The following MYOM1 variants were observed in gnomAD, a reference collection of about 807,000 sequenced individuals.
MYOM1 encodes the protein myomesin 1, also known as myomesin-1.
MYOM1 carries 164 observed loss-of-function variants against 205.3 expected under a neutral mutation model. That is an observed-to-expected ratio of 0.80 (90% CI 0.70 to 0.91). The LOEUF is 0.91. Ranked by LOEUF, MYOM1 falls within the 40% of genes least tolerant of loss-of-function variation. The pLI, the probability that MYOM1 is intolerant of heterozygous loss-of-function variation, is 0.00. For synonymous variants in MYOM1, 772 were observed against 789.4 expected (o/e 0.98, Z 0.37); for missense variants, 2,011 against 2,127.3 (o/e 0.95, Z 1.08).
chr18:3,233,885 T>C, the MYOM1 span, among the ~76,000 whole-genome samples: 1 of 152,222 alleles, frequency 6.6e-6, no homozygotes, highest in Non-Finnish European at 1.5e-5. Context: ...TTCAAGTAAA[T>C]ATTCCCACTC....
At chr18:3,072,331 C>T (rs941173453) in intron 36 of MYOM1, among the ~76,000 whole-genome samples, 4 of 137,908 alleles carry the variant, frequency 2.9e-5, no homozygotes, top group Admixed American at 7.5e-5. Flanking sequence ...TTACAGCAGG[C>T]GTGAGCCACC....
chr18:3,148,539 GTTCA>G (rs2080162971), intron 13 of MYOM1, among the ~76,000 whole-genome samples: 2 of 152,014 alleles, frequency 1.3e-5, no homozygotes, highest in Non-Finnish European at 2.9e-5. Flanking sequence ...TGACAAATAC[GTTCA>G]TTATTTTGAA....
chr18:3,198,790 G>GAA (rs796981410), intron 2 of MYOM1, among the ~76,000 whole-genome samples: 2,003 of 95,674 alleles, frequency 0.021, 44 homozygotes, highest in South Asian at 0.072. Flanking sequence ...CTCAAAAAAA[G>GAA]AAAAAAAAAA....
At chr18:3,079,984 A>G (rs1354964768) in intron 33 of MYOM1, among the ~76,000 whole-genome samples, 1 of 152,202 alleles carries the variant, frequency 6.6e-6, no homozygotes, top group East Asian at 1.9e-4. Context: ...TATTCTCTGC[A>G]AGAGAATATT....
At chr18:3,214,737 C>G (rs1276687180) in intron 2 of MYOM1, among the ~76,000 whole-genome samples, 197 bp downstream of exon 2, 2 of 152,100 alleles carry the variant, frequency 1.3e-5, no homozygotes, top group Non-Finnish European at 2.9e-5. Context: ...GCAGGAGAAT[C>G]GATTGAACCC....
intron 21 of MYOM1, among the ~76,000 whole-genome samples, chr18:3,113,905 T>C (rs535601123): frequency 1.3e-5 from 2 of 152,230 alleles, no homozygotes; most frequent in South Asian, 4.1e-4. Flanking sequence ...GAGGTACGTA[T>C]TAAATTGTTA....
intron 23 of MYOM1, among the ~76,000 whole-genome samples, chr18:3,101,965 T>C (rs1356680087): frequency 2.0e-5 from 3 of 147,912 alleles, no homozygotes; most frequent in Admixed American, 6.8e-5. Context: ...GGATTTCAGG[T>C]GTGAGCCAAT....
intron 37 of MYOM1, among the ~76,000 whole-genome samples, chr18:3,069,819 T>C (rs1276413811): frequency 6.6e-6 from 1 of 152,218 alleles, no homozygotes; most frequent in Non-Finnish European, 1.5e-5. Flanking sequence ...AGTACTTTCA[T>C]ATACATTCTC....
In MYOM1 at chr18:3,118,648, T is replaced by C. The variant is rs74253181; in HGVS notation, c.3118+1221A>G. 4.3e-3 allele frequency among the ~76,000 whole-genome samples: 662 copies of C among 152,246 alleles called. 32 individuals are homozygous for C. The East Asian group carries it at 0.11, about 24-fold the overall frequency. On this transcript the variant is annotated intron_variant, in intron 20 of 37. Coordinates refer to ENST00000356443, the MANE Select transcript of MYOM1 (RefSeq NM_003803.4). The stretch of plus-strand genomic sequence containing the variant: ...CGCACCCAGCCAACGACATCACTTT[T>C]GATCAAAAAAAATTTCTACAGGCCT...
At chr18:3,187,902 C>T (rs1337985299) in intron 4 of MYOM1, among the ~76,000 whole-genome samples, 1 of 143,768 alleles carries the variant, frequency 7.0e-6, no homozygotes, top group Non-Finnish European at 1.5e-5. Flanking sequence ...TGCACTGGTG[C>T]AACCTGCATC....
At chr18:3,205,591 A>C (rs1465477815) in intron 2 of MYOM1, among the ~76,000 whole-genome samples, 1 of 152,216 alleles carries the variant, frequency 6.6e-6, no homozygotes, top group African/African-American at 2.4e-5. Flanking sequence ...GATGTGGATA[A>C]ACTAGAATCC....
chr18:3,179,590 C>T lies in MYOM1; in HGVS notation c.930-3456G>A, dbSNP rs1263407734. Among the ~76,000 whole-genome samples, 1 of 152,150 alleles carries T rather than the reference C, an allele frequency of 6.6e-6. No individual in the cohort carries two copies. Among genetic ancestry groups the T allele is most frequent in the Non-Finnish European group, 1.5e-5 (1 of 68,050 alleles). ...GTGCAGCAACATAACCTTCTCCAAA[C>T]ACAGAAGACCCTGCAAGTTGATGCA... is the stretch of plus-strand genomic sequence containing the variant. On this transcript the variant is annotated intron_variant, in intron 5 of 37. Coordinates refer to ENST00000356443, the MANE Select transcript of MYOM1 (RefSeq NM_003803.4). The surrounding 1 kb of genome is among the most constrained non-coding windows in gnomAD (Gnocchi z 4.4).
chr18:3,155,064 G>A lies in MYOM1; in HGVS notation c.1526C>T (p.Ala509Val), dbSNP rs868530408. ...VRDADAEIEG[A>V]PAAPLDVKCL... ...CTTCACATCCAAGGGAGCAGCTGGG[G>A]CTCCTTCAATCTCTGCATCAGCATC... is the stretch of plus-strand genomic sequence containing the variant. The change falls in exon 11 of 38, where the codon GCC (alanine) becomes GTC (valine). Residue 509 changes from alanine (A) to valine (V), a missense_variant. Coordinates refer to ENST00000356443, the MANE Select transcript of MYOM1 (RefSeq NM_003803.4). The A allele has an allele frequency of 1.9e-6, 3 of 1,612,764 alleles. No individual in the cohort carries two copies. Among genetic ancestry groups the A allele is most frequent in the Admixed American group, 1.7e-5 (1 of 59,876 alleles).
At chr18:3,098,437 C>A (rs73371185) in intron 25 of MYOM1, among the ~76,000 whole-genome samples, 2,149 of 152,076 alleles carry the variant, frequency 0.014, 43 homozygotes, top group African/African-American at 0.045. Context: ...ACCACCACAC[C>A]CAGCTAATTT....
intron 19 of MYOM1, among the ~76,000 whole-genome samples, chr18:3,125,408 C>T (rs1380255733): frequency 6.6e-6 from 1 of 151,906 alleles, no homozygotes; most frequent in African/African-American, 2.4e-5. Flanking sequence ...TACCATATAG[C>T]AATGAAAAAG....
At chr18:3,119,635 G>A (rs374855823) in intron 20 of MYOM1, among the ~76,000 whole-genome samples, 6 of 152,160 alleles carry the variant, frequency 3.9e-5, no homozygotes, top group Non-Finnish European at 1.5e-5. Flanking sequence ...CAGGCTGAGC[G>A]ATGAGGGCTC....
chr18:3,067,228 C>G lies in MYOM1; in HGVS notation c.*34G>C. 6.5e-7 allele frequency: 1 copy of G among 1,550,364 alleles called. No individual in the cohort carries two copies. Among genetic ancestry groups the G allele is most frequent in the Non-Finnish European group, 8.7e-7 (1 of 1,145,438 alleles). ...TAACCCAAACCATTCACACCCAAGT[C>G]ACACAGGCCGGCTGGCTCTCCTCGC... is the stretch of plus-strand genomic sequence containing the variant. On this transcript the variant is annotated 3_prime_UTR_variant, in exon 38 of 38. Transcript: ENST00000356443.
intron 33 of MYOM1, 40 bp downstream of exon 33, chr18:3,083,748 GA>G: frequency 6.7e-7 from 1 of 1,496,424 alleles, no homozygotes; most frequent in Non-Finnish European, 9.1e-7. Context: ...GCCTGGCAGG[GA>G]AAGAATTTCT....
the MYOM1 span, among the ~76,000 whole-genome samples, chr18:3,240,128 A>G: frequency 6.6e-6 from 1 of 152,220 alleles, no homozygotes; most frequent in Non-Finnish European, 1.5e-5. Context: ...TATTTGTGTC[A>G]TAAGATTAAT....
Sources: allele counts gnomAD v4.1 joint callset (sites outside exome capture counted in the v4.1 genomes callset), GRCh38; gene constraint gnomAD v4.1.1; non-coding constraint Gnocchi (gnomAD v3.1); transcripts MANE v1.5; gene names NCBI Gene and HGNC (gene_info 2026-07-23, HGNC 2026-07-21).